The following CDK5RAP1 variants were observed in gnomAD, a reference collection of about 807,000 sequenced individuals.
CDK5RAP1 encodes the protein mitochondrial tRNA methylthiotransferase CDK5RAP1.
A neutral mutation model predicts 64.5 loss-of-function variants in CDK5RAP1; 62 were observed. The observed-to-expected ratio is 0.96, with a 90% CI of 0.78 to 1.19. The LOEUF is 1.19. Among genes scored for constraint, CDK5RAP1 ranks in the 50% most tolerant of loss-of-function variants. The pLI is 0.00. For missense variants in CDK5RAP1, 657 were observed against 735.0 expected (o/e 0.89, Z 1.23); for synonymous variants, 250 against 261.9 (o/e 0.95, Z 0.44).
intron 7 of CDK5RAP1, among the ~76,000 whole-genome samples, chr20:33,383,217 T>A (rs1319306051): frequency 6.6e-6 from 1 of 152,034 alleles, no homozygotes; most frequent in African/African-American, 2.4e-5. Context: ...AAAAAGATTT[T>A]TAAATGTTTA....
At chr20:33,396,324 A>C (rs1054547304) in intron 2 of CDK5RAP1, among the ~76,000 whole-genome samples, 3 of 152,200 alleles carry the variant, frequency 2.0e-5, no homozygotes, top group African/African-American at 7.2e-5. Context: ...CCCCGTCCCC[A>C]CCAGCAGGTC....
chr20:33,372,944 GCT>G (rs1275403886), intron 9 of CDK5RAP1: 1 of 273,410 alleles, frequency 3.7e-6, no homozygotes, highest in Non-Finnish European at 6.7e-6. Context: ...ACAGAGTCTC[GCT>G]CTGTCTCTCA....
rs1288208663 is a variant in CDK5RAP1 at position 33,359,012 on chromosome 20, C to CA, written c.*30_*31insT. ...CTCCCCTTCCTGTTGGGGAGGATTG[C>CA]CCAAGTCAGCTCTGAGGCCATCCTC... On this transcript the variant is annotated 3_prime_UTR_variant, in exon 14 of 14. Transcript: ENST00000346416. The CA allele has an allele frequency of 6.5e-7, 1 of 1,530,210 alleles. No individual in the cohort carries two copies. Among genetic ancestry groups the CA allele is most frequent in the Admixed American group, 1.7e-5 (1 of 59,206 alleles). 94.8% of individuals were successfully genotyped at this position (1,530,210 alleles called of 1,614,324 possible). A position where few individuals can be genotyped will look rare whatever the true frequency, so the allele number is the denominator to read the frequency against.
chr20:33,368,371 C>T (rs971536623), intron 11 of CDK5RAP1, among the ~76,000 whole-genome samples: 2 of 151,376 alleles, frequency 1.3e-5, no homozygotes, highest in African/African-American at 4.9e-5. Flanking sequence ...TGGATCACCA[C>T]AGTTTCAACC....
intron 11 of CDK5RAP1, among the ~76,000 whole-genome samples, chr20:33,369,432 G>A (rs746974028): frequency 2.6e-5 from 4 of 151,646 alleles, no homozygotes; most frequent in East Asian, 1.9e-4. Flanking sequence ...GCAGTGAGTC[G>A]AGATTGCGCA....
intron 5 of CDK5RAP1, among the ~76,000 whole-genome samples, chr20:33,389,065 G>C (rs1440796660): frequency 1.3e-5 from 2 of 152,154 alleles, no homozygotes; most frequent in Non-Finnish European, 2.9e-5. Flanking sequence ...GAAGTGAGGA[G>C]CATCTCTGCC....
At chr20:33,360,263 T>C in intron 13 of CDK5RAP1, 88 bp downstream of exon 13, 1 of 1,296,960 alleles carries the variant, frequency 7.7e-7, no homozygotes, top group Non-Finnish European at 1.1e-6. Flanking sequence ...TACTAAAATG[T>C]GTCTCTAGGA....
intron 7 of CDK5RAP1, among the ~76,000 whole-genome samples, chr20:33,382,216 T>C: frequency 6.6e-6 from 1 of 152,156 alleles, no homozygotes; most frequent in South Asian, 2.1e-4. Context: ...AAAAAGTTTA[T>C]TAAAAAGTAG....
At chr20:33,382,865 AAAAT>A (rs531222068) in intron 7 of CDK5RAP1, among the ~76,000 whole-genome samples, 1 of 150,192 alleles carries the variant, frequency 6.7e-6, no homozygotes, top group African/African-American at 2.5e-5. Flanking sequence ...ACTCTGTCTC[AAAAT>A]AAATAAATAA....
intron 5 of CDK5RAP1, among the ~76,000 whole-genome samples, chr20:33,389,566 C>A (rs1417432918): frequency 1.3e-5 from 2 of 149,642 alleles, no homozygotes; most frequent in African/African-American, 4.9e-5. Context: ...CCCGGCCAGC[C>A]GCCCCGTCCG....
intron 1 of CDK5RAP1, among the ~76,000 whole-genome samples, 196 bp from the exon 2 acceptor site, chr20:33,397,280 A>C (rs995732296): frequency 4.6e-5 from 7 of 152,244 alleles, no homozygotes; most frequent in African/African-American, 1.7e-4. Flanking sequence ...GGAGTGCCAG[A>C]GATGAGATGC....
chr20:33,385,374 C>G (rs911705701), intron 7 of CDK5RAP1, among the ~76,000 whole-genome samples: 1 of 152,306 alleles, frequency 6.6e-6, no homozygotes, highest in South Asian at 2.1e-4. Context: ...TGCATTACGA[C>G]GACAGTTAAA....
rs950124519 is a variant in CDK5RAP1 at position 33,381,481 on chromosome 20, C to G, written c.877-1790G>C. Reference sequence around the variant, plus strand: ...TCACTCTGTTGCCCAGGCTGGAGTGCACTAGCGTGATCTTGGCTCACTGCA... The same window carrying G: ...TCACTCTGTTGCCCAGGCTGGAGTGGACTAGCGTGATCTTGGCTCACTGCA... On this transcript the variant is annotated intron_variant, in intron 7 of 13. Coordinates refer to ENST00000346416, the MANE Select transcript of CDK5RAP1 (RefSeq NM_016408.4). 2.6e-5 allele frequency among the ~76,000 whole-genome samples: 4 copies of G among 151,936 alleles called. No homozygotes were observed. In the East Asian group the frequency reaches 7.8e-4, roughly 29 times the overall value.
intron 10 of CDK5RAP1, 113 bp from the exon 11 acceptor site, chr20:33,370,742 G>T: frequency 9.1e-7 from 1 of 1,097,926 alleles, no homozygotes; most frequent in Non-Finnish European, 1.3e-6. Context: ...TCCTCCCTAG[G>T]ACTATTCATA....
intron 9 of CDK5RAP1, 87 bp from the exon 10 acceptor site, chr20:33,372,784 C>T (rs1307958706): frequency 3.5e-6 from 3 of 861,968 alleles, no homozygotes; most frequent in Non-Finnish European, 5.7e-6. Context: ...TGAATTTCCA[C>T]ATGTAATCAC....
At chr20:33,368,459 AT>A (rs35954744) in intron 11 of CDK5RAP1, among the ~76,000 whole-genome samples, 1,657 of 67,570 alleles carry the variant, frequency 0.025, 44 homozygotes, top group Admixed American at 0.16. Flanking sequence ...CTCTCGGCTA[AT>A]TTTTTTTTTT....
At chr20:33,390,218 G>A (rs1165062500) in intron 5 of CDK5RAP1, among the ~76,000 whole-genome samples, 3 of 150,912 alleles carry the variant, frequency 2.0e-5, no homozygotes, top group African/African-American at 7.3e-5. Flanking sequence ...AGGCTGCAGT[G>A]AGCCATGATC....
chr20:33,388,918 C>G (rs911448778), intron 5 of CDK5RAP1, among the ~76,000 whole-genome samples: 1 of 152,204 alleles, frequency 6.6e-6, no homozygotes, highest in Non-Finnish European at 1.5e-5. Context: ...GAGTCTCGTT[C>G]ACTCAGTGCT....
At chr20:33,389,936 A>AT in intron 5 of CDK5RAP1, among the ~76,000 whole-genome samples, 1 of 99,830 alleles carries the variant, frequency 1.0e-5, no homozygotes, top group Non-Finnish European at 2.3e-5. Flanking sequence ...TACACAATGG[A>AT]ATTTTTTTTT....
Sources: allele counts gnomAD v4.1 joint callset (sites outside exome capture counted in the v4.1 genomes callset), GRCh38; gene constraint gnomAD v4.1.1; transcripts MANE v1.5; gene names NCBI Gene and HGNC (gene_info 2026-07-23, HGNC 2026-07-21).